The following RGS6 variants were observed in gnomAD, a reference collection of about 807,000 sequenced individuals.
RGS6 encodes regulator of G protein signaling 6.
RGS6 carries 30 observed loss-of-function variants against 78.5 expected under a neutral mutation model. The ratio of observed to expected loss-of-function variants is 0.38; its 90% CI spans 0.29 to 0.52. The LOEUF (loss-of-function observed/expected upper bound fraction) is 0.52. Among genes scored for constraint, RGS6 ranks in the 20% least tolerant of loss-of-function variants. RGS6 has a pLI of 0.85. For synonymous variants in RGS6, 206 were observed against 206.0 expected (o/e 1.00, Z 0.00); for missense variants, 495 against 609.7 (o/e 0.81, Z 1.98).
At chr14:72,403,029 C>T (rs2092607512) in intron 3 of RGS6, among the ~76,000 whole-genome samples, 1 of 151,886 alleles carries the variant, frequency 6.6e-6, no homozygotes, top group Non-Finnish European at 1.5e-5. Context: ...GATCTCAAGT[C>T]ATCTGCCCAC....
At chr14:72,109,990 A>T (rs1382310649) in intron 2 of RGS6, among the ~76,000 whole-genome samples, 2 of 152,198 alleles carry the variant, frequency 1.3e-5, no homozygotes, top group Admixed American at 1.3e-4. Flanking sequence ...AAGAAAGTGG[A>T]TTTGTTACCA....
At chr14:72,522,513 G>C (rs888953549) in intron 15 of RGS6, among the ~76,000 whole-genome samples, 2 of 152,160 alleles carry the variant, frequency 1.3e-5, no homozygotes, top group Admixed American at 6.5e-5. Context: ...GACATTGCAG[G>C]CTTTGTGAGT....
chr14:71,888,418 C>CAAAA, the RGS6 span, among the ~76,000 whole-genome samples: 44 of 143,648 alleles, frequency 3.1e-4, no homozygotes, highest in Middle Eastern at 7.2e-3. Context: ...AGCTCTGTCT[C>CAAAA]AAAAAAAAAA....
chr14:72,251,203 T>C (rs987033350), intron 2 of RGS6, among the ~76,000 whole-genome samples: 1 of 152,222 alleles, frequency 6.6e-6, no homozygotes, highest in African/African-American at 2.4e-5. Flanking sequence ...GGTTGTCTTT[T>C]TATGCAGATA....
At chr14:72,506,987 A>AAAAAAG (rs2096812222) in intron 13 of RGS6, among the ~76,000 whole-genome samples, 2 of 63,880 alleles carry the variant, frequency 3.1e-5, no homozygotes, top group Non-Finnish European at 5.3e-5. Context: ...TCTCTACTAA[A>AAAAAAG]AAAAAAAAAA....
chr14:72,388,498 G>A (rs1400527794), intron 3 of RGS6, among the ~76,000 whole-genome samples: 2 of 152,072 alleles, frequency 1.3e-5, no homozygotes, highest in Non-Finnish European at 2.9e-5. Flanking sequence ...CTTCTGTTTC[G>A]AGTCCCCCTT....
chr14:72,333,352 C>A (rs1438483150), intron 2 of RGS6, among the ~76,000 whole-genome samples: 1 of 152,166 alleles, frequency 6.6e-6, no homozygotes, highest in Non-Finnish European at 1.5e-5. Context: ...GCCTGAGTCA[C>A]TGGGCAGGAC....
the RGS6 span, among the ~76,000 whole-genome samples, chr14:72,574,516 G>C: frequency 6.6e-6 from 1 of 152,208 alleles, no homozygotes; most frequent in African/African-American, 2.4e-5. Flanking sequence ...AGGTATATCT[G>C]AGGACATTTA....
intron 17 of RGS6, among the ~76,000 whole-genome samples, chr14:72,548,348 CGTGTGTGTGTGTGT>C (rs59943776): frequency 2.3e-5 from 3 of 129,464 alleles, no homozygotes; most frequent in African/African-American, 9.4e-5. Flanking sequence ...TGTGTGCGCG[CGTGTGTGTGTGTGT>C]GTGTGTGTGT....
rs1172515046 is a variant in RGS6, at chr14:71,932,918, C to T, written c.-44C>T. 6.6e-6 allele frequency: 1 copy of T among 152,266 alleles called. No homozygotes were observed. The highest frequency in any genetic ancestry group is 2.4e-5 in the African/African-American group (1 of 41,452). 9.4% of individuals were successfully genotyped at this position (152,266 alleles called of 1,614,324 possible). On this transcript the variant is annotated 5_prime_UTR_variant, in exon 1 of 18. Coordinates refer to ENST00000553525, the MANE Select transcript of RGS6 (RefSeq NM_001204424.2). ...AAAATTCTGGAGCCAGAGGGAGAGT[C>T]AAGGCAATTCTTTGGTTGCTAAGGT...
intron 2 of RGS6, among the ~76,000 whole-genome samples, chr14:72,058,664 T>C (rs1347789221): frequency 1.3e-5 from 2 of 152,222 alleles, no homozygotes; most frequent in Non-Finnish European, 2.9e-5. Context: ...AGCTAGTGAA[T>C]GGCCCTGAAA....
chr14:72,295,029 C>T (rs935592822), intron 2 of RGS6, among the ~76,000 whole-genome samples: 36 of 152,136 alleles, frequency 2.4e-4, no homozygotes, highest in African/African-American at 7.7e-4. Flanking sequence ...CGGTGGCTCA[C>T]GCCTGTAATC....
chr14:72,624,333 C>CTTTTTTTTTTTTTTTTT, the RGS6 span, among the ~76,000 whole-genome samples: 13 of 97,792 alleles, frequency 1.3e-4, 1 homozygote, highest in African/African-American at 4.6e-4. Flanking sequence ...ACCTATGTCT[C>CTTTTTTTTTTTTTTTTT]TTTTTTTTTT....
intron 2 of RGS6, among the ~76,000 whole-genome samples, chr14:72,203,137 A>C (rs2041954340): frequency 6.6e-6 from 1 of 152,104 alleles, no homozygotes. Context: ...GGCCTCCCAA[A>C]GTGCTGGGAT....
At chr14:72,245,791 C>T (rs1170655617) in intron 2 of RGS6, among the ~76,000 whole-genome samples, 1 of 152,116 alleles carries the variant, frequency 6.6e-6, no homozygotes, top group Non-Finnish European at 1.5e-5. Flanking sequence ...TTTATGCTAG[C>T]TTGAGTGAAG....
chr14:72,388,627 C>T (rs373719714), intron 3 of RGS6, among the ~76,000 whole-genome samples: 14 of 152,112 alleles, frequency 9.2e-5, no homozygotes, highest in African/African-American at 3.4e-4. Context: ...GATGGTCTCC[C>T]TTAGACAGCC....
At chr14:71,924,740 T>A in the RGS6 span, among the ~76,000 whole-genome samples, 1 of 152,258 alleles carries the variant, frequency 6.6e-6, no homozygotes, top group Non-Finnish European at 1.5e-5. Context: ...TTTTTAAGCC[T>A]GAATAATATT....
At chr14:72,048,785 CTT>C (rs1229780065) in intron 2 of RGS6, among the ~76,000 whole-genome samples, 1 of 151,662 alleles carries the variant, frequency 6.6e-6, no homozygotes, top group Non-Finnish European at 1.5e-5. Context: ...ATTTTTTAAA[CTT>C]TTAAATTTCA....
chr14:72,327,619 C>T (rs2074096864), intron 2 of RGS6, among the ~76,000 whole-genome samples: 1 of 152,130 alleles, frequency 6.6e-6, no homozygotes, highest in Non-Finnish European at 1.5e-5. Flanking sequence ...TTATTCAGAG[C>T]CAAGTCTAGA....
Sources: gnomAD v4.1 joint callset for allele counts (sites outside exome capture counted in the v4.1 genomes callset) on GRCh38, gnomAD v4.1.1 for gene constraint, MANE v1.5 for transcripts, NCBI Gene and HGNC (gene_info 2026-07-23, HGNC 2026-07-21) for gene names.